HCN1: variants seen among roughly 807,000 people sequenced by gnomAD.
The protein encoded by HCN1 is potassium/sodium hyperpolarization-activated cyclic nucleotide-gated channel 1.
A neutral mutation model predicts 78.9 loss-of-function variants in HCN1; 13 were observed. That is an observed-to-expected ratio of 0.16 (90% CI 0.11 to 0.26). The LOEUF is 0.26. HCN1 is among the 10% of genes least tolerant of loss of function. The pLI, the probability that HCN1 is intolerant of heterozygous loss-of-function variation, is 1.00. For synonymous variants in HCN1, 552 were observed against 455.5 expected, an observed-to-expected ratio of 1.21 and a Z score of -2.70; for missense variants, 810 against 1,154.3, an observed-to-expected ratio of 0.70 and a Z score of 4.32.
At chr5:45,375,957 A>G (rs1278715159) in intron 4 of HCN1, among the ~76,000 whole-genome samples, 5 of 118,630 alleles carry the variant, frequency 4.2e-5, no homozygotes, top group South Asian at 2.4e-4. Flanking sequence ...TATATTATAT[A>G]TGATAAAATA....
chr5:45,535,494 T>C (rs142264156), intron 2 of HCN1, among the ~76,000 whole-genome samples: 4,185 of 151,976 alleles, frequency 0.028, 79 homozygotes, highest in Non-Finnish European at 0.039. Context: ...GCTACTTGGG[T>C]GGCTGAGGCA....
chr5:45,393,382 A>G (rs991355051), intron 4 of HCN1, among the ~76,000 whole-genome samples: 22 of 152,178 alleles, frequency 1.4e-4, no homozygotes, highest in African/African-American at 4.3e-4. Flanking sequence ...AAATGTATGA[A>G]CTAAGATGTA....
intron 3 of HCN1, among the ~76,000 whole-genome samples, chr5:45,413,376 G>A (rs1740060760): frequency 6.6e-6 from 1 of 152,036 alleles, no homozygotes; most frequent in South Asian, 2.1e-4. Context: ...AGAGGTAAAT[G>A]TATTGATATT....
chr5:45,272,390 T>C (rs1302720126), intron 6 of HCN1, among the ~76,000 whole-genome samples: 1 of 152,108 alleles, frequency 6.6e-6, no homozygotes, highest in Non-Finnish European at 1.5e-5. Flanking sequence ...CATTTTATTT[T>C]ATTCTACTGA....
chr5:45,388,067 A>G (rs554615128), intron 4 of HCN1, among the ~76,000 whole-genome samples: 3 of 152,300 alleles, frequency 2.0e-5, no homozygotes, highest in East Asian at 3.9e-4. Flanking sequence ...GTGGTTCTCC[A>G]TTGCCTACCA....
intron 4 of HCN1, among the ~76,000 whole-genome samples, chr5:45,373,287 T>C (rs1347365976): frequency 1.7e-5 from 2 of 120,624 alleles, no homozygotes; most frequent in Non-Finnish European, 3.2e-5. Context: ...TTATATTATA[T>C]ATTATATATA....
chr5:45,522,006 TA>T (rs1742622916), intron 2 of HCN1, among the ~76,000 whole-genome samples: 2 of 152,008 alleles, frequency 1.3e-5, no homozygotes, highest in South Asian at 2.1e-4. Context: ...AAATCGTTCT[TA>T]AATTTTAAAA....
chr5:45,453,077 A>T (rs1740955970), intron 3 of HCN1, among the ~76,000 whole-genome samples: 1 of 151,992 alleles, frequency 6.6e-6, no homozygotes, highest in Non-Finnish European at 1.5e-5. Flanking sequence ...TCATTATGGG[A>T]AGCAACTATA....
chr5:45,568,411 A>C (rs984617582), intron 2 of HCN1, among the ~76,000 whole-genome samples: 1 of 152,114 alleles, frequency 6.6e-6, no homozygotes, highest in Non-Finnish European at 1.5e-5. Context: ...AATTTGAAAA[A>C]AAAAGCATAA....
intron 5 of HCN1, among the ~76,000 whole-genome samples, chr5:45,312,005 G>T (rs889876684): frequency 6.6e-6 from 1 of 152,206 alleles, no homozygotes; most frequent in Non-Finnish European, 1.5e-5. Flanking sequence ...AAGAGTCCAC[G>T]TTGGAACCCA....
In HCN1 at chr5:45,355,971, T is replaced by C. The variant is rs542050337; in HGVS notation, c.1231-2725A>G. ...AAAACAGGAGCTTTTTCTTTTTCTT[T>C]TTGTCTGTTTCTCCCACACCTAACA... On this transcript the variant is annotated intron_variant, in intron 4 of 7. Coordinates refer to ENST00000303230, the MANE Select transcript of HCN1 (RefSeq NM_021072.4). 5.8e-4 allele frequency among the ~76,000 whole-genome samples: 88 copies of C among 152,120 alleles called. 2 individuals carry two copies. The South Asian group carries it at 7.0e-3, about 12-fold the overall frequency.
chr5:45,575,576 A>T (rs1455663804), intron 2 of HCN1: 1 of 151,856 alleles, frequency 6.6e-6, no homozygotes, highest in Non-Finnish European at 1.5e-5. Flanking sequence ...AAAGTATAAT[A>T]AAAAAAAGGA....
intron 3 of HCN1, among the ~76,000 whole-genome samples, chr5:45,431,348 C>T (rs1370716392): frequency 3.9e-5 from 6 of 152,008 alleles, no homozygotes; most frequent in Non-Finnish European, 8.8e-5. Context: ...GACTTTGATG[C>T]ATAGTTTGTA....
At chr5:45,304,581 C>T (rs538400390) in intron 5 of HCN1, among the ~76,000 whole-genome samples, 13 of 152,002 alleles carry the variant, frequency 8.6e-5, no homozygotes, top group South Asian at 2.1e-4. Context: ...GAGGCTGAGG[C>T]AGAGAATTGC....
chr5:45,305,341 C>T (rs1745706315), intron 5 of HCN1, among the ~76,000 whole-genome samples: 1 of 152,158 alleles, frequency 6.6e-6, no homozygotes, highest in Admixed American at 6.6e-5. Flanking sequence ...GAAGGTGTTT[C>T]ATCCTGAACA....
intron 1 of HCN1, among the ~76,000 whole-genome samples, chr5:45,665,883 T>C (rs190582432): frequency 4.6e-5 from 7 of 152,204 alleles, no homozygotes; most frequent in Admixed American, 3.9e-4. Context: ...TCTCTGACCT[T>C]TTCTCTCACT....
chr5:45,616,553 G>C (rs534412475), intron 2 of HCN1, among the ~76,000 whole-genome samples: 1 of 151,804 alleles, frequency 6.6e-6, no homozygotes, highest in African/African-American at 2.4e-5. Context: ...TTTTCTCAGC[G>C]TTTAAAGAAC....
chr5:45,499,385 G>A (rs1742139545), intron 2 of HCN1, among the ~76,000 whole-genome samples: 2 of 152,152 alleles, frequency 1.3e-5, no homozygotes, highest in South Asian at 4.1e-4. Flanking sequence ...CTTTGACTAG[G>A]AAAGGGAACT....
At chr5:45,641,303 T>C (rs1342780064) in intron 2 of HCN1, among the ~76,000 whole-genome samples, 1 of 152,214 alleles carries the variant, frequency 6.6e-6, no homozygotes, top group Non-Finnish European at 1.5e-5. Context: ...TAGCTCCCTA[T>C]GGAATAAATT....
Sources: allele counts gnomAD v4.1 joint callset (sites outside exome capture counted in the v4.1 genomes callset), GRCh38; gene constraint gnomAD v4.1.1; transcripts MANE v1.5; gene names NCBI Gene and HGNC (gene_info 2026-07-23, HGNC 2026-07-21).